TANK: variants seen among roughly 807,000 people sequenced by gnomAD.
The protein encoded by TANK is TRAF family member-associated NF-kappa-B activator.
Under a neutral mutation model 43.6 loss-of-function variants are expected in TANK, and 15 were observed. The ratio of observed to expected loss-of-function variants is 0.34; its 90% CI spans 0.23 to 0.53. TANK has a LOEUF of 0.53. TANK is among the 20% of genes least tolerant of loss of function. TANK has a pLI of 0.94. For missense variants in TANK, 417 were observed against 498.6 expected (o/e 0.84, Z 1.56); for synonymous variants, 162 against 178.2 (o/e 0.91, Z 0.73).
At chr2:161,213,370 A>G (rs1370555982) in intron 4 of TANK, among the ~76,000 whole-genome samples, 1 of 152,190 alleles carries the variant, frequency 6.6e-6, no homozygotes, top group Non-Finnish European at 1.5e-5. Flanking sequence ...TGGGAGGCCA[A>G]GGTGGGTGGA....
chr2:161,168,506 GA>G (rs1398536125), intron 1 of TANK, among the ~76,000 whole-genome samples: 1 of 151,660 alleles, frequency 6.6e-6, no homozygotes, highest in Non-Finnish European at 1.5e-5. Flanking sequence ...GGGACAAAAA[GA>G]AAAAAAATCC....
At chr2:161,195,988 G>A (rs1477104310) in intron 2 of TANK, among the ~76,000 whole-genome samples, 2 of 152,170 alleles carry the variant, frequency 1.3e-5, no homozygotes, top group Non-Finnish European at 2.9e-5. Flanking sequence ...AGGAGCCTGA[G>A]GCAGGAGAAT....
At chr2:161,198,491 G>C (rs763490613) in intron 2 of TANK, among the ~76,000 whole-genome samples, 5 of 152,188 alleles carry the variant, frequency 3.3e-5, no homozygotes, top group African/African-American at 1.2e-4. Flanking sequence ...GGCCCTGCCT[G>C]GGCAACTCCA....
At chr2:161,179,416 T>G (rs1021970968) in intron 1 of TANK, 198 bp from the exon 2 acceptor site, 2 of 446,086 alleles carry the variant, frequency 4.5e-6, no homozygotes, top group Non-Finnish European at 7.6e-6. Flanking sequence ...CCTTGAACAT[T>G]AGAATAAGAA....
upstream of TANK, among the ~76,000 whole-genome samples, chr2:161,157,715 T>C (rs1227094819): frequency 6.6e-6 from 1 of 152,162 alleles, no homozygotes; most frequent in African/African-American, 2.4e-5. Context: ...ACAGAGTCTC[T>C]CTCTGTTGCC....
chr2:161,156,888 A>G (rs187210693), upstream of TANK, among the ~76,000 whole-genome samples: 5 of 152,310 alleles, frequency 3.3e-5, no homozygotes, highest in Admixed American at 2.6e-4. Context: ...CCATATATGA[A>G]AAAGTAAACC....
chr2:161,231,587 G>A (rs1343464429), intron 7 of TANK, 36 bp downstream of exon 7: 10 of 1,574,426 alleles, frequency 6.4e-6, no homozygotes, highest in African/African-American at 1.3e-5. Flanking sequence ...ATTATTATGT[G>A]TGAACACACA....
intron 1 of TANK, among the ~76,000 whole-genome samples, chr2:161,152,264 T>C (rs1469976418): frequency 2.0e-5 from 3 of 152,194 alleles, no homozygotes; most frequent in Admixed American, 2.0e-4. Flanking sequence ...TTTCTTTGTA[T>C]GGCCTCAAAT....
At chr2:161,168,256 G>A (rs1445429767) in intron 1 of TANK, among the ~76,000 whole-genome samples, 1 of 152,128 alleles carries the variant, frequency 6.6e-6, no homozygotes, top group Non-Finnish European at 1.5e-5. Flanking sequence ...AATAAGGAGG[G>A]AAGTTCATTT....
intron 2 of TANK, among the ~76,000 whole-genome samples, chr2:161,184,550 A>G (rs1685572388): frequency 6.6e-6 from 1 of 152,188 alleles, no homozygotes; most frequent in African/African-American, 2.4e-5. Context: ...ATTTCAAGCA[A>G]TCAAAATGAG....
At chr2:161,160,654 G>A (rs371068284) in intron 1 of TANK, 168 bp downstream of exon 1, 2 of 536,706 alleles carry the variant, frequency 3.7e-6, no homozygotes, top group South Asian at 6.4e-5. Context: ...GATTTTGTGC[G>A]GGAGAAACCA....
chr2:161,225,437 T>C (rs1199187785), intron 6 of TANK, among the ~76,000 whole-genome samples: 1 of 152,166 alleles, frequency 6.6e-6, no homozygotes, highest in Non-Finnish European at 1.5e-5. Context: ...TAGTATAAAA[T>C]ATAATTTAGA....
At chr2:161,165,039 C>CTTTT (rs11314845) in intron 1 of TANK, among the ~76,000 whole-genome samples, 2 of 97,704 alleles carry the variant, frequency 2.0e-5, no homozygotes, top group African/African-American at 3.7e-5. Flanking sequence ...AACACCAATA[C>CTTTT]TTTTTTTTTT....
chr2:161,192,334 A>C (rs1379650727), intron 2 of TANK, among the ~76,000 whole-genome samples: 1 of 152,200 alleles, frequency 6.6e-6, no homozygotes, highest in Non-Finnish European at 1.5e-5. Flanking sequence ...GCGTGGAATA[A>C]TACTACCTTT....
At chr2:161,231,635 TTATCAA>T in intron 7 of TANK, 84 bp downstream of exon 7, 1 of 1,239,298 alleles carries the variant, frequency 8.1e-7, no homozygotes, top group South Asian at 1.3e-5. Flanking sequence ...CTCTTTTACG[TTATCAA>T]ACATCCTTTT....
At chr2:161,201,056 TAGAA>T in intron 2 of TANK, 1 of 967,732 alleles carries the variant, frequency 1.0e-6, no homozygotes, top group South Asian at 4.8e-5. Context: ...ACAATTAGAC[TAGAA>T]TATTATAACT....
intron 1 of TANK, among the ~76,000 whole-genome samples, chr2:161,143,499 A>C (rs1049354305): frequency 5.9e-5 from 9 of 152,158 alleles, no homozygotes. Flanking sequence ...ATCAATGCCT[A>C]GTTTATTGAG....
chr2:161,194,189 G>A (rs902377242), intron 2 of TANK, among the ~76,000 whole-genome samples: 2 of 151,858 alleles, frequency 1.3e-5, no homozygotes, highest in African/African-American at 2.4e-5. Context: ...TACCATAATC[G>A]TAAATGATTA....
At chr2:161,180,032 TATCAG>T in intron 2 of TANK, 1 of 1,066,648 alleles carries the variant, frequency 9.4e-7, no homozygotes, top group Non-Finnish European at 1.1e-6. Context: ...AATTTTAAAA[TATCAG>T]TATTTATAAA....
Sources: gnomAD v4.1 joint callset for allele counts (sites outside exome capture counted in the v4.1 genomes callset) on GRCh38, gnomAD v4.1.1 for gene constraint, MANE v1.5 for transcripts, NCBI Gene and HGNC (gene_info 2026-07-23, HGNC 2026-07-21) for gene names.